ADAM19: variants seen among roughly 807,000 people sequenced by gnomAD.
ADAM19 encodes the protein disintegrin and metalloproteinase domain-containing protein 19.
ADAM19 carries 65 observed loss-of-function variants against 114.7 expected under a neutral mutation model. The observed-to-expected ratio is 0.57, with a 90% CI of 0.46 to 0.70. The LOEUF (loss-of-function observed/expected upper bound fraction) is 0.70. Among genes scored for constraint, ADAM19 ranks in the 30% least tolerant of loss-of-function variants. The pLI, the probability that ADAM19 is intolerant of heterozygous loss-of-function variation, is 0.00. For missense variants in ADAM19, 1,063 were observed against 1,204.7 expected, an observed-to-expected ratio of 0.88 and a Z score of 1.74; for synonymous variants, 466 against 460.5, an observed-to-expected ratio of 1.01 and a Z score of -0.15.
chr5:157,526,326 C>T (rs932564607), intron 5 of ADAM19, among the ~76,000 whole-genome samples: 3 of 152,052 alleles, frequency 2.0e-5, no homozygotes, highest in Non-Finnish European at 4.4e-5. Flanking sequence ...CTTTTTAAAG[C>T]TTACACATTC....
Position 157,499,678 on chromosome 5 carries a change from G to C in ADAM19, c.1309-16C>G. On this transcript the variant is annotated splice_polypyrimidine_tract_variant and intron_variant, in intron 12 of 22. Transcript: ENST00000257527. ...TGTTACATTCCTGGGGAGGCAGTGG[G>C]GTGGGTGTGAGTGGGGGAGGGCCTT... 6.3e-7 allele frequency: 1 copy of C among 1,585,948 alleles called. No homozygotes were observed. Among genetic ancestry groups the C allele is most frequent in the Non-Finnish European group, 8.6e-7 (1 of 1,162,530 alleles).
intron 3 of ADAM19, among the ~76,000 whole-genome samples, chr5:157,561,793 C>T (rs547988176): frequency 1.3e-5 from 2 of 152,192 alleles, no homozygotes; most frequent in South Asian, 4.2e-4. Context: ...CATCACCTGA[C>T]GGACGGTGCA....
At chr5:157,489,702 G>C (rs1755082780) in intron 19 of ADAM19, among the ~76,000 whole-genome samples, 1 of 152,156 alleles carries the variant, frequency 6.6e-6, no homozygotes, top group African/African-American at 2.4e-5. Flanking sequence ...AGACAAAGAG[G>C]GGGCTGGGCA....
intron 4 of ADAM19, among the ~76,000 whole-genome samples, chr5:157,532,390 A>G (rs1006843209): frequency 2.0e-5 from 3 of 152,262 alleles, no homozygotes; most frequent in Non-Finnish European, 2.9e-5. Flanking sequence ...CGAGCATTTT[A>G]TAAGTCAGGT....
intron 12 of ADAM19, among the ~76,000 whole-genome samples, chr5:157,501,330 G>T (rs981646111): frequency 7.9e-5 from 12 of 152,138 alleles, no homozygotes; most frequent in Non-Finnish European, 1.5e-4. Context: ...CAAGCAAGGA[G>T]GTTCCCCCTC....
At chr5:157,528,297 C>T (rs890327106) in intron 5 of ADAM19, among the ~76,000 whole-genome samples, 17 of 152,166 alleles carry the variant, frequency 1.1e-4, no homozygotes, top group Non-Finnish European at 1.8e-4. Flanking sequence ...CAGAAACACA[C>T]GGACAGCTCA....
chr5:157,531,355 A>G (rs1756618761), intron 4 of ADAM19, among the ~76,000 whole-genome samples: 1 of 152,172 alleles, frequency 6.6e-6, no homozygotes, highest in Non-Finnish European at 1.5e-5. Flanking sequence ...GGTCTTGCAG[A>G]TGTAGTTAAA....
intron 13 of ADAM19, among the ~76,000 whole-genome samples, chr5:157,499,320 T>C (rs2113710425): frequency 6.6e-6 from 1 of 152,160 alleles, no homozygotes; most frequent in East Asian, 1.9e-4. Flanking sequence ...TGGATACTTC[T>C]TTAAAAAAGA....
intron 5 of ADAM19, among the ~76,000 whole-genome samples, chr5:157,524,908 G>A (rs917798405): frequency 4.6e-5 from 7 of 152,338 alleles, no homozygotes; most frequent in Non-Finnish European, 8.8e-5. Context: ...CAAGCAAAGC[G>A]CAAAGTGTTT....
chr5:157,561,023 CTACA>C (rs1292884806), intron 3 of ADAM19, among the ~76,000 whole-genome samples: 2 of 152,164 alleles, frequency 1.3e-5, no homozygotes, highest in Non-Finnish European at 2.9e-5. Context: ...CTTAAAGAGG[CTACA>C]AGGTAGTAAG....
At position 157,488,496 on chromosome 5, in the gene ADAM19, G is replaced by C; in HGVS notation, c.2326-7C>G. 6.3e-7 allele frequency: 1 copy of C among 1,576,786 alleles called. No individual in the cohort carries two copies. Among genetic ancestry groups the C allele is most frequent in the Non-Finnish European group, 8.6e-7 (1 of 1,159,030 alleles). On this transcript the variant is annotated splice_region_variant and splice_polypyrimidine_tract_variant and intron_variant, in intron 20 of 22. Transcript: ENST00000257527. ...TTTCCGGAGTGTTGATCACCTGTAC[G>C]CACAAGTCAAGGAACACCTGAGACA...
intron 3 of ADAM19, among the ~76,000 whole-genome samples, chr5:157,563,428 C>A (rs1757565794): frequency 6.6e-6 from 1 of 152,198 alleles, no homozygotes; most frequent in South Asian, 2.1e-4. Flanking sequence ...TCCCTTTCCA[C>A]CCAAGCCTAA....
chr5:157,515,972 T>G (rs2113735313), intron 7 of ADAM19, among the ~76,000 whole-genome samples: 1 of 152,248 alleles, frequency 6.6e-6, no homozygotes, highest in Admixed American at 6.5e-5. Context: ...AGCAGCAGGG[T>G]CTTGCTCTCC....
chr5:157,486,757 A>G lies in ADAM19; in HGVS notation c.2550+1508T>C, dbSNP rs1041081391. ...CACGCCTGCTTTCTCCCTTTCTTTC[A>G]TCTCTCTGTTAGGGACTGAACTGTG... On this transcript the variant is annotated intron_variant, in intron 21 of 22. Coordinates refer to ENST00000257527, the MANE Select transcript of ADAM19 (RefSeq NM_033274.5). Among the ~76,000 whole-genome samples, 4 of 151,568 alleles carry G rather than the reference A, an allele frequency of 2.6e-5. 1 individual carries two copies. The highest frequency in any genetic ancestry group is 7.3e-5 in the African/African-American group (3 of 41,266).
In ADAM19 at chr5:157,496,360, G is replaced by A. The variant is rs984389728; in HGVS notation, c.1594+534C>T. Among the ~76,000 whole-genome samples the A allele has an allele frequency of 5.9e-5, 9 of 152,286 alleles. No homozygotes were observed. The South Asian group carries it at 1.9e-3, about 32-fold the overall frequency. On this transcript the variant is annotated intron_variant, in intron 14 of 22. Coordinates refer to ENST00000257527, the MANE Select transcript of ADAM19 (RefSeq NM_033274.5). ...TAACAATGGTGCAGTAAACATCATA[G>A]TAAATATATCCTCACATACATGTGC...
intron 7 of ADAM19, among the ~76,000 whole-genome samples, chr5:157,514,626 C>T (rs1358823781): frequency 3.3e-5 from 5 of 152,128 alleles, no homozygotes; most frequent in East Asian, 1.9e-4. Context: ...TGCGCCTGGC[C>T]GTAATCAGAC....
At chr5:157,494,285 A>ATGGG (rs1179363178) in intron 15 of ADAM19, among the ~76,000 whole-genome samples, 1 of 152,006 alleles carries the variant, frequency 6.6e-6, no homozygotes, top group Non-Finnish European at 1.5e-5. Flanking sequence ...GGATGGATGG[A>ATGGG]TGGATGGGTA....
At chr5:157,490,946 C>T (rs1581292445) in intron 18 of ADAM19, among the ~76,000 whole-genome samples, 1 of 150,746 alleles carries the variant, frequency 6.6e-6, no homozygotes, top group Admixed American at 6.6e-5. Context: ...TAAGACTAGA[C>T]ATCTCACCCA....
At chr5:157,538,061 A>AT in intron 3 of ADAM19, 70 bp from the exon 4 acceptor site, 1 of 1,287,644 alleles carries the variant, frequency 7.8e-7, no homozygotes, top group East Asian at 2.3e-5. Context: ...ACAACGAGTG[A>AT]TTTTAACTGA....
Sources: allele counts gnomAD v4.1 joint callset (sites outside exome capture counted in the v4.1 genomes callset), GRCh38; gene constraint gnomAD v4.1.1; transcripts MANE v1.5; gene names NCBI Gene and HGNC (gene_info 2026-07-23, HGNC 2026-07-21).